KCNMA1: variants seen among roughly 807,000 people sequenced by gnomAD.
KCNMA1 encodes Calcium-activated potassium channel subunit alpha-1.
A neutral mutation model predicts 140.0 loss-of-function variants in KCNMA1; 29 were observed. That is an observed-to-expected ratio of 0.21 (90% CI 0.15 to 0.28). The LOEUF is 0.28. KCNMA1 is among the 10% of genes least tolerant of loss of function. The probability of loss-of-function intolerance (pLI) is 1.00; values close to 1 mark genes in which losing one functional copy is unlikely to be tolerated. For missense variants in KCNMA1, 880 were observed against 1,602.2 expected (o/e 0.55, Z 7.70); for synonymous variants, 612 against 611.9 (o/e 1.00, Z 0.00).
intron 19 of KCNMA1, chr10:76,974,624 T>G: frequency 7.8e-7 from 1 of 1,281,496 alleles, no homozygotes; most frequent in South Asian, 1.3e-5. Context: ...ATAGTGAAAT[T>G]TCTTTTAGAA....
intron 2 of KCNMA1, among the ~76,000 whole-genome samples, chr10:77,297,205 C>G (rs575698455): frequency 6.6e-6 from 1 of 152,146 alleles, no homozygotes; most frequent in East Asian, 1.9e-4. Flanking sequence ...AACAAGGACA[C>G]ATTCCCACTG....
chr10:77,027,676 C>A, intron 16 of KCNMA1, 147 bp downstream of exon 16: 1 of 761,948 alleles, frequency 1.3e-6, no homozygotes, highest in South Asian at 1.4e-5. Flanking sequence ...GGGCATGCCT[C>A]GAAATGTGCT....
intron 6 of KCNMA1, among the ~76,000 whole-genome samples, chr10:77,112,714 T>C (rs1373500851): frequency 2.0e-5 from 3 of 152,226 alleles, no homozygotes; most frequent in Non-Finnish European, 4.4e-5. Context: ...AACAGTATAA[T>C]GAACACTTGT....
intron 2 of KCNMA1, among the ~76,000 whole-genome samples, chr10:77,389,265 C>T (rs2095723405): frequency 6.6e-6 from 1 of 152,186 alleles, no homozygotes; most frequent in Non-Finnish European, 1.5e-5. Flanking sequence ...GAGTCTGCTA[C>T]CTTGCTCCAG....
intron 1 of KCNMA1, among the ~76,000 whole-genome samples, chr10:77,521,547 C>T (rs898785783): frequency 5.3e-5 from 8 of 152,192 alleles, no homozygotes; most frequent in Admixed American, 3.9e-4. Flanking sequence ...CATCTGTAAA[C>T]CATGGATAAC....
chr10:77,629,521 A>G (rs2092935702), intron 1 of KCNMA1, among the ~76,000 whole-genome samples: 1 of 152,240 alleles, frequency 6.6e-6, no homozygotes, highest in Admixed American at 6.5e-5. Flanking sequence ...ATTCTCGTTC[A>G]GCCCCCAGCT....
In KCNMA1 at chr10:77,011,969, C is replaced by T. The variant is rs775426727; in HGVS notation, c.2090G>A (p.Arg697Gln). 9 of 1,613,454 alleles carry T rather than the reference C, an allele frequency of 5.6e-6. No individual in the cohort carries two copies. Among genetic ancestry groups the T allele is most frequent in the African/African-American group, 1.3e-5 (1 of 74,856 alleles). Reference protein sequence around the residue: ...PKRIKKCGCKRPKMSIYKRMR... With the variant: ...PKRIKKCGCKQPKMSIYKRMR... ...ACAGGGAGAGAAACACTACTTACGC[C>T]GTTTGCAGCCACATTTTTTTATTCT... The change falls in exon 18 of 28, where the codon CGG becomes CAG. Residue 697 changes from arginine (R) to glutamine (Q), a missense_variant and splice_region_variant. Transcript: ENST00000286628.
chr10:77,636,718 T>TC, intron 1 of KCNMA1: 1 of 1,509,602 alleles, frequency 6.6e-7, no homozygotes, highest in Non-Finnish European at 8.8e-7. Flanking sequence ...GCCATGCTCC[T>TC]CCCCCGGGAT....
At chr10:76,971,986 T>TGTGG (rs1386942306) in intron 19 of KCNMA1, among the ~76,000 whole-genome samples, 1 of 151,780 alleles carries the variant, frequency 6.6e-6, no homozygotes, top group Admixed American at 6.6e-5. Context: ...TGTGTGTGTG[T>TGTGG]GTGTGTGTGT....
At chr10:77,105,077 G>T (rs2097173929) in intron 9 of KCNMA1, among the ~76,000 whole-genome samples, 1 of 152,146 alleles carries the variant, frequency 6.6e-6, no homozygotes, top group Non-Finnish European at 1.5e-5. Context: ...TGAACCCTTG[G>T]TTGTGGACAC....
intron 5 of KCNMA1, among the ~76,000 whole-genome samples, chr10:77,142,216 A>T (rs1420337545): frequency 6.6e-6 from 1 of 151,826 alleles, no homozygotes. Context: ...AAAATACAAA[A>T]AAAAATTAGC....
At chr10:77,239,601 G>A (rs1203062950) in intron 3 of KCNMA1, among the ~76,000 whole-genome samples, 1 of 152,204 alleles carries the variant, frequency 6.6e-6, no homozygotes, top group East Asian at 1.9e-4. Context: ...GGGGAAAAGA[G>A]ACTGATGAGG....
intron 15 of KCNMA1, among the ~76,000 whole-genome samples, chr10:77,032,989 A>G (rs2094047009): frequency 6.6e-6 from 1 of 151,934 alleles, no homozygotes; most frequent in Non-Finnish European, 1.5e-5. Context: ...GTTGAAGAGG[A>G]CTCACCCCAC....
chr10:77,461,320 A>T (rs1219016731), intron 1 of KCNMA1, among the ~76,000 whole-genome samples: 1 of 150,796 alleles, frequency 6.6e-6, no homozygotes, highest in Non-Finnish European at 1.5e-5. Flanking sequence ...TTCTGTGGTG[A>T]CCCTTGCCCC....
intron 10 of KCNMA1, among the ~76,000 whole-genome samples, chr10:77,089,197 A>G (rs1566023346): frequency 6.6e-6 from 1 of 152,342 alleles, no homozygotes; most frequent in East Asian, 1.9e-4. Flanking sequence ...CATGGTGACA[A>G]GTCAGAAGTC....
intron 2 of KCNMA1, among the ~76,000 whole-genome samples, chr10:77,351,720 C>T (rs1045061689): frequency 6.6e-6 from 1 of 152,124 alleles, no homozygotes; most frequent in African/African-American, 2.4e-5. Flanking sequence ...GGAGGGTCCC[C>T]AAGAGATCCA....
At chr10:77,161,060 T>A (rs192913319) in intron 5 of KCNMA1, among the ~76,000 whole-genome samples, 123 of 152,328 alleles carry the variant, frequency 8.1e-4, no homozygotes, top group African/African-American at 2.8e-3. Flanking sequence ...ACAGGCTTGG[T>A]TTGAACTGCC....
Position 76,885,128 on chromosome 10 carries a change from G to A in KCNMA1, c.*2138C>T, listed in dbSNP as rs77051509. ...TTATAGTTATAAATGTTCTGAGGGCGTAACTTTATAACCTCCTTTGCAAAG... is the reference window on the plus strand; with the variant it reads ...TTATAGTTATAAATGTTCTGAGGGCATAACTTTATAACCTCCTTTGCAAAG... On this transcript the variant is annotated 3_prime_UTR_variant, in exon 28 of 28. Coordinates refer to ENST00000286628, the MANE Select transcript of KCNMA1 (RefSeq NM_001161352.2). 1,139 of 1,452,862 alleles carry A rather than the reference G, an allele frequency of 7.8e-4. 15 individuals carry two copies. The East Asian group carries it at 0.024, about 30-fold the overall frequency. The allele number at this position is 1,452,862 out of a possible 1,614,324, so 90.0% of individuals were successfully genotyped here.
chr10:77,195,996 T>C (rs2040343025), intron 3 of KCNMA1, among the ~76,000 whole-genome samples: 1 of 152,090 alleles, frequency 6.6e-6, no homozygotes, highest in African/African-American at 2.4e-5. Flanking sequence ...ATCAATGACA[T>C]CCACTAGATT....
Sources: gnomAD v4.1 joint callset for allele counts (sites outside exome capture counted in the v4.1 genomes callset) on GRCh38, gnomAD v4.1.1 for gene constraint, MANE v1.5 for transcripts, NCBI Gene and HGNC (gene_info 2026-07-23, HGNC 2026-07-21) for gene names.